NFKBIZ: variants seen among roughly 807,000 people sequenced by gnomAD.
NFKBIZ encodes NFKB inhibitor zeta, also known as NF-kappa-B inhibitor zeta.
NFKBIZ carries 19 observed loss-of-function variants against 76.8 expected under a neutral mutation model. The ratio of observed to expected loss-of-function variants is 0.25; its 90% confidence interval spans 0.17 to 0.36. The LOEUF is 0.36. Among genes scored for constraint, NFKBIZ ranks in the 10% least tolerant of loss-of-function variants. The pLI is 1.00. For synonymous variants in NFKBIZ, 368 were observed against 354.8 expected (o/e 1.04, Z -0.42); for missense variants, 829 against 910.9 (o/e 0.91, Z 1.16).
At chr3:101,848,384 C>T (rs142269759), upstream of NFKBIZ, among the ~76,000 whole-genome samples, 109 of 152,294 alleles carry the variant, frequency 7.2e-4, 1 homozygote, top group African/African-American at 2.5e-3. Context: ...GCTGTGGGCC[C>T]CAATCCCACC....
chr3:101,831,239 A>T (rs1942643101), intron 2 of NFKBIZ, among the ~76,000 whole-genome samples: 1 of 152,208 alleles, frequency 6.6e-6, no homozygotes, highest in Non-Finnish European at 1.5e-5. Context: ...TTCAGGGAAA[A>T]ATCTTAGCTA....
chr3:101,840,620 A>G (rs1356222808), intron 2 of NFKBIZ, among the ~76,000 whole-genome samples: 5 of 152,204 alleles, frequency 3.3e-5, no homozygotes, highest in Non-Finnish European at 2.9e-5. Context: ...AAACACTTGG[A>G]TTTCTGCTGG....
chr3:101,846,031 C>T (rs773580881), upstream of NFKBIZ, among the ~76,000 whole-genome samples: 8 of 152,166 alleles, frequency 5.3e-5, no homozygotes, highest in Admixed American at 2.0e-4. Context: ...CCCCATATTT[C>T]GTATACAGTT....
chr3:101,843,020 TA>T (rs35824432), intron 2 of NFKBIZ, among the ~76,000 whole-genome samples: 20,723 of 66,234 alleles, frequency 0.31, 1,808 homozygotes, highest in Non-Finnish European at 0.35. Flanking sequence ...CTGTATTTTC[TA>T]AAAAAAAAAA....
chr3:101,853,946 A>G (rs1943008981), intron 5 of NFKBIZ, 83 bp downstream of exon 5: 4 of 1,317,786 alleles, frequency 3.0e-6, no homozygotes, highest in Non-Finnish European at 4.2e-6. Flanking sequence ...CTAGGGTATA[A>G]CAAGGTATAC....
chr3:101,837,957 A>G (rs1327274575), intron 2 of NFKBIZ, among the ~76,000 whole-genome samples: 2 of 152,248 alleles, frequency 1.3e-5, no homozygotes, highest in Non-Finnish European at 2.9e-5. Context: ...AGAACTGTTC[A>G]CTGTAATAGT....
In NFKBIZ at chr3:101,860,422, CT is replaced by C. The variant is rs2107426928; in HGVS notation, c.*1052del. Reference sequence around the variant, plus strand: ...GAACTCCTGAGCTCATGCCATCTGCCTGCCTTAGTCTCCCAAAATGCTGGGA... The same window carrying C: ...GAACTCCTGAGCTCATGCCATCTGCCGCCTTAGTCTCCCAAAATGCTGGGA... On this transcript the variant is annotated 3_prime_UTR_variant, in exon 12 of 12. Transcript: ENST00000326172. The C allele has an allele frequency of 6.6e-6, 1 of 152,282 alleles. No homozygotes were observed. Among genetic ancestry groups the C allele is most frequent in the South Asian group, 2.1e-4 (1 of 4,820 alleles). 9.4% of individuals were successfully genotyped at this position (152,282 alleles called of 1,614,324 possible).
chr3:101,852,114 C>G lies in NFKBIZ; in HGVS notation c.319C>G (p.Gln107Glu). 1 of 1,614,184 alleles carries G rather than the reference C, an allele frequency of 6.2e-7. No individual in the cohort carries two copies. The highest frequency in any genetic ancestry group is 8.5e-7 in the Non-Finnish European group (1 of 1,180,030). The change falls in exon 2 of 12, where the codon CAG (glutamine) becomes GAG (glutamate). Residue 107 changes from glutamine (Q) to glutamate (E), a missense_variant. Physicochemically the swap from Gln to Glu is conservative, Grantham distance 29 (BLOSUM62 2). Transcript: ENST00000326172. ...VEPHMGVGRQ[Q>E]RGPFQGVRVK... is the part of the protein sequence containing the mutation. ...GCCCCATATGGGGGTTGGCAGGCAG[C>G]AGAGAGGCCCCTTTCAAGGTGTTCG...
chr3:101,855,046 CT>C lies in NFKBIZ; in HGVS notation c.1444-15del, dbSNP rs757627404. The C allele has an allele frequency of 4.4e-6, 7 of 1,576,072 alleles. No individual in the cohort carries two copies. In the East Asian group the frequency reaches 1.1e-4, roughly 25 times the overall value. ...TTGTATGTTTAAAATATCTTTTTTC[CT>C]CTGGATATCCACAGAGTGCCTTTCA... On this transcript the variant is annotated splice_polypyrimidine_tract_variant and intron_variant, in intron 6 of 11. Transcript: ENST00000326172.
upstream of NFKBIZ, chr3:101,849,338 C>CGAGGGCG (rs906733482): frequency 2.6e-4 from 73 of 276,012 alleles, no homozygotes; most frequent in Middle Eastern, 2.1e-3. Flanking sequence ...GCGGGCGGGG[C>CGAGGGCG]GAGGGCGGAG....
chr3:101,858,260 T>C (rs772261979), intron 11 of NFKBIZ: 318 of 976,284 alleles, frequency 3.3e-4, no homozygotes, highest in Middle Eastern at 5.3e-4. Flanking sequence ...CATAATGTTA[T>C]AGTAGCCCCT....
chr3:101,859,186 G>C, intron 11 of NFKBIZ, 132 bp from the exon 12 acceptor site: 1 of 596,428 alleles, frequency 1.7e-6, no homozygotes, highest in Non-Finnish European at 3.1e-6. Context: ...AATATTGTGT[G>C]TATTTCTTCG....
At chr3:101,833,506 G>T (rs1412359014) in intron 2 of NFKBIZ, among the ~76,000 whole-genome samples, 1 of 152,170 alleles carries the variant, frequency 6.6e-6, no homozygotes, top group Non-Finnish European at 1.5e-5. Flanking sequence ...AAGGCCATAA[G>T]AACTTTCTAT....
At chr3:101,858,792 T>C (rs1157922113) in intron 11 of NFKBIZ, among the ~76,000 whole-genome samples, 1 of 152,224 alleles carries the variant, frequency 6.6e-6, no homozygotes, top group Non-Finnish European at 1.5e-5. Context: ...TGAGCCGGGA[T>C]CTTTTCTGTG....
intron 5 of NFKBIZ, among the ~76,000 whole-genome samples, chr3:101,854,139 C>T (rs758475195): frequency 8.5e-5 from 13 of 152,160 alleles, no homozygotes; most frequent in Non-Finnish European, 1.5e-4. Context: ...CCAGCGTAGA[C>T]TATGTCTATA....
At chr3:101,850,066 C>A in intron 1 of NFKBIZ, 149 bp downstream of exon 1, 1 of 832,076 alleles carries the variant, frequency 1.2e-6, no homozygotes, top group Non-Finnish European at 1.6e-6. Flanking sequence ...CCCCGCCTTG[C>A]CCGGGCCGGG....
rs776907939 is a variant in NFKBIZ, at chr3:101,859,298, T to G, written c.2104-20T>G. On this transcript the variant is annotated intron_variant, in intron 11 of 11. Transcript: ENST00000326172. ...GCCATAAGAAATAAACCTCACAAATTTTATTTGTTTCTCTTCCAGATCCGA... is the reference window on the plus strand; with the variant it reads ...GCCATAAGAAATAAACCTCACAAATGTTATTTGTTTCTCTTCCAGATCCGA... The G allele has an allele frequency of 5.6e-6, 9 of 1,610,054 alleles. No individual in the cohort carries two copies. Among genetic ancestry groups the G allele is most frequent in the Non-Finnish European group, 7.6e-6 (9 of 1,176,710 alleles).
chr3:101,853,272 C>G lies in NFKBIZ; in HGVS notation c.746C>G (p.Ser249Cys), dbSNP rs771992068. 2 of 1,614,126 alleles carry G rather than the reference C, an allele frequency of 1.2e-6. No individual in the cohort carries two copies. The highest frequency in any genetic ancestry group is 1.3e-5 in the African/African-American group (1 of 75,020). ...AACCCCGTGGTGGTCCCTCAGAGCT[C>G]CCCCGCAGAGCAGTGTCAGGACTTC... is the stretch of plus-strand genomic sequence containing the variant. ...WLNPVVVPQS[S>C]PAEQCQDFHG... Residue 249 changes from serine (S) to cysteine (C), a missense_variant, in exon 5 of 12, where the codon TCC becomes TGC. By Grantham distance (112) the Ser-to-Cys change is moderately radical. Transcript: ENST00000326172.
chr3:101,857,599 C>G, intron 11 of NFKBIZ, 140 bp downstream of exon 11: 5 of 1,459,456 alleles, frequency 3.4e-6, no homozygotes, highest in Non-Finnish European at 4.5e-6. Flanking sequence ...CGGTAGCTGT[C>G]ATAGCATTGT....
Sources: allele counts gnomAD v4.1 joint callset (sites outside exome capture counted in the v4.1 genomes callset), GRCh38; gene constraint gnomAD v4.1.1; transcripts MANE v1.5; gene names NCBI Gene and HGNC (gene_info 2026-07-23, HGNC 2026-07-21).